Variants in EMCN observed in about 807,000 individuals in gnomAD.
The protein encoded by EMCN is endomucin.
In EMCN, 37 loss-of-function variants were observed where a neutral mutation model predicts 38.4. The ratio of observed to expected loss-of-function variants is 0.96; its 90% CI spans 0.74 to 1.27. EMCN has a LOEUF of 1.27. Among genes scored for constraint, EMCN ranks in the 50% most tolerant of loss-of-function variants. The pLI, the probability that EMCN is intolerant of heterozygous loss-of-function variation, is 0.00. For synonymous variants in EMCN, 95 were observed against 100.8 expected (o/e 0.94, Z 0.35); for missense variants, 318 against 302.8 (o/e 1.05, Z -0.37).
At chr4:100,423,268 G>T (rs533069055) in intron 6 of EMCN, 44 bp downstream of exon 6, 1 of 1,476,308 alleles carries the variant, frequency 6.8e-7, no homozygotes, top group South Asian at 1.1e-5. Flanking sequence ...GTCAAGAAAG[G>T]GTCAGGTAGA....
At chr4:100,412,431 A>G (rs961776521) in intron 10 of EMCN, among the ~76,000 whole-genome samples, 1 of 152,146 alleles carries the variant, frequency 6.6e-6, no homozygotes, top group African/African-American at 2.4e-5. Context: ...TTAGTGATGC[A>G]ATGTTTTTCT....
At chr4:100,434,920 T>A (rs965632154) in intron 5 of EMCN, among the ~76,000 whole-genome samples, 3 of 152,130 alleles carry the variant, frequency 2.0e-5, no homozygotes, top group African/African-American at 7.2e-5. Context: ...GCCAATATCA[T>A]ACTGAATGGG....
chr4:100,460,545 C>A (rs1728151010), intron 4 of EMCN, among the ~76,000 whole-genome samples: 4 of 152,110 alleles, frequency 2.6e-5, no homozygotes, highest in Admixed American at 2.6e-4. Context: ...GGCAAGAGAG[C>A]TTGTGCAAGG....
chr4:100,465,567 A>T, intron 3 of EMCN, 28 bp from the exon 4 acceptor site: 2 of 1,237,686 alleles, frequency 1.6e-6, no homozygotes, highest in Non-Finnish European at 2.3e-6. Context: ...AGTCATCAGG[A>T]GTATAACAAA....
At chr4:100,415,044 C>T (rs1169822087) in intron 10 of EMCN, among the ~76,000 whole-genome samples, 2 of 152,010 alleles carry the variant, frequency 1.3e-5, no homozygotes, top group Non-Finnish European at 2.9e-5. Context: ...TACAGGCATG[C>T]GCCACCATGC....
At chr4:100,399,885 T>C (rs72919503) in intron 11 of EMCN, among the ~76,000 whole-genome samples, 11,912 of 152,168 alleles carry the variant, frequency 0.078, 864 homozygotes, top group African/African-American at 0.19. Context: ...GTAATAAGCA[T>C]AGTATTTTTC....
chr4:100,478,887 T>A (rs1201048729), intron 2 of EMCN, among the ~76,000 whole-genome samples: 2 of 152,146 alleles, frequency 1.3e-5, no homozygotes, highest in African/African-American at 4.8e-5. Context: ...GGTGTATGTA[T>A]GTAACCTCAA....
chr4:100,478,407 T>C (rs1728717547), intron 2 of EMCN, among the ~76,000 whole-genome samples: 2 of 152,200 alleles, frequency 1.3e-5, no homozygotes, highest in African/African-American at 2.4e-5. Flanking sequence ...AGTATTGTTA[T>C]TTATTTGGAG....
intron 3 of EMCN, among the ~76,000 whole-genome samples, chr4:100,467,450 G>A (rs992049100): frequency 3.9e-5 from 6 of 151,916 alleles, no homozygotes; most frequent in Middle Eastern, 3.4e-3. Context: ...AGGCCGAGGC[G>A]GGCGGATCAC....
chr4:100,433,945 C>G (rs1174226680), intron 5 of EMCN, among the ~76,000 whole-genome samples: 1 of 152,054 alleles, frequency 6.6e-6, no homozygotes, highest in Non-Finnish European at 1.5e-5. Context: ...AATCAACAAC[C>G]TAACATCACA....
At chr4:100,498,768 A>T (rs1729276047) in intron 1 of EMCN, among the ~76,000 whole-genome samples, 2 of 152,180 alleles carry the variant, frequency 1.3e-5, no homozygotes, top group Non-Finnish European at 2.9e-5. Flanking sequence ...TAAACTCTAC[A>T]TTTAAACATT....
chr4:100,462,021 A>C (rs550829856), intron 4 of EMCN, among the ~76,000 whole-genome samples: 1 of 152,202 alleles, frequency 6.6e-6, no homozygotes, highest in African/African-American at 2.4e-5. Context: ...CGGTTTCATC[A>C]CTTGGCAAAT....
chr4:100,476,400 C>T (rs1308215019), intron 2 of EMCN, among the ~76,000 whole-genome samples: 2 of 152,072 alleles, frequency 1.3e-5, no homozygotes, highest in Non-Finnish European at 1.5e-5. Flanking sequence ...CCCCCAATTT[C>T]AACCACCCAA....
chr4:100,475,355 A>G (rs1728607812), intron 2 of EMCN, among the ~76,000 whole-genome samples: 1 of 149,714 alleles, frequency 6.7e-6, no homozygotes, highest in Non-Finnish European at 1.5e-5. Context: ...ATAAGTCCCC[A>G]AAACAAGTTT....
chr4:100,398,310 C>T lies in EMCN; in HGVS notation c.*103G>A, dbSNP rs751754546. 2.0e-5 allele frequency: 3 copies of T among 152,048 alleles called. No individual in the cohort carries two copies. Among genetic ancestry groups the T allele is most frequent in the Non-Finnish European group, 4.4e-5 (3 of 68,044 alleles). 9.4% of individuals were successfully genotyped at this position (152,048 alleles called of 1,614,324 possible). On this transcript the variant is annotated 3_prime_UTR_variant, in exon 12 of 12. Coordinates refer to ENST00000296420, the MANE Select transcript of EMCN (RefSeq NM_016242.4). ...ACAGTCCAGCAGCAGGTATGGAAGTCGGGATTGATTCTGCAGGACTTTCTC... is the reference window on the plus strand; with the variant it reads ...ACAGTCCAGCAGCAGGTATGGAAGTTGGGATTGATTCTGCAGGACTTTCTC...
intron 2 of EMCN, among the ~76,000 whole-genome samples, chr4:100,475,659 CTTTTTTTTTTTTTTTTTTT>C (rs869169290): frequency 5.0e-5 from 3 of 60,314 alleles, no homozygotes; most frequent in African/African-American, 1.7e-4. Context: ...AATTCTAGTC[CTTTTTTTTTTTTTTTTTTT>C]TTTTTTTTTT....
intron 1 of EMCN, among the ~76,000 whole-genome samples, chr4:100,503,797 A>G (rs1729409594): frequency 6.6e-6 from 1 of 152,142 alleles, no homozygotes; most frequent in African/African-American, 2.4e-5. Flanking sequence ...AGATACAGAT[A>G]TTTTATTTTC....
At chr4:100,437,047 GA>G (rs552956300) in intron 5 of EMCN, among the ~76,000 whole-genome samples, 3 of 151,896 alleles carry the variant, frequency 2.0e-5, no homozygotes, top group Non-Finnish European at 4.4e-5. Context: ...AAAGTTGGGG[GA>G]AAAAAAGAAT....
At chr4:100,457,666 C>G (rs1028223826) in intron 4 of EMCN, among the ~76,000 whole-genome samples, 1 of 152,132 alleles carries the variant, frequency 6.6e-6, no homozygotes, top group African/African-American at 2.4e-5. Flanking sequence ...AACAAGATGT[C>G]TAATCCTCTT....
Sources: allele counts gnomAD v4.1 joint callset (sites outside exome capture counted in the v4.1 genomes callset), GRCh38; gene constraint gnomAD v4.1.1; transcripts MANE v1.5; gene names NCBI Gene and HGNC (gene_info 2026-07-23, HGNC 2026-07-21).